TGOLN2: variants seen among roughly 807,000 people sequenced by gnomAD.
TGOLN2 encodes trans-Golgi network integral membrane protein 2.
Under a neutral mutation model 31.3 loss-of-function variants are expected in TGOLN2, and 19 were observed. The observed-to-expected ratio is 0.61, with a 90% CI of 0.42 to 0.89. The LOEUF is 0.89. Ranked by LOEUF, TGOLN2 falls within the 40% of genes least tolerant of loss-of-function variation. The probability of loss-of-function intolerance (pLI) is 0.00; values close to 1 mark genes in which losing one functional copy is unlikely to be tolerated. For synonymous variants in TGOLN2, 222 were observed against 226.7 expected (o/e 0.98, Z 0.19); for missense variants, 540 against 559.2 (o/e 0.97, Z 0.35).
At position 85,326,771 on chromosome 2, in the gene TGOLN2, C is replaced by G; in HGVS notation, c.961G>C (p.Val321Leu). The change falls in exon 2 of 4, where the codon GTG (valine) becomes CTG (leucine). Residue 321 changes from valine (V) to leucine (L), a missense_variant. Val to Leu is a conservative substitution (Grantham distance 32, BLOSUM62 1). Coordinates refer to ENST00000377386, the MANE Select transcript of TGOLN2 (RefSeq NM_006464.4). ...EVKSSEPTED[V>L]EPKEAEDDDT... ...TCATCTTCAGCCTCTTTGGGCTCCA[C>G]ATCCTCAGTAGGCTCTGAAGACTTA... 1 of 1,614,036 alleles carries G rather than the reference C, an allele frequency of 6.2e-7. No individual in the cohort carries two copies. Among genetic ancestry groups the G allele is most frequent in the East Asian group, 2.2e-5 (1 of 44,884 alleles).
In TGOLN2 at chr2:85,327,916, C is replaced by T. The variant is rs959413772; in HGVS notation, c.46+1G>A. The T allele has an allele frequency of 1.2e-6, 2 of 1,601,356 alleles. No homozygotes were observed. The highest frequency in any genetic ancestry group is 1.7e-6 in the Non-Finnish European group (2 of 1,174,364). ...GTGGGATGCGGGATGGAGGGTCTTA[C>T]CCGCCGCTGCGACGTTCAGGAGGAC... is the stretch of plus-strand genomic sequence containing the variant. On this transcript the variant is annotated splice_donor_variant, in intron 1 of 3. Transcript: ENST00000377386. LOFTEE classifies it high-confidence loss of function.
intron 1 of TGOLN2, 95 bp downstream of exon 1, chr2:85,327,822 G>T: frequency 6.5e-7 from 1 of 1,532,936 alleles, no homozygotes; most frequent in Non-Finnish European, 8.8e-7. Context: ...CGGAGAGGTG[G>T]GTCGGGTAGG....
chr2:85,326,623 A>T lies in TGOLN2; in HGVS notation c.1109T>A (p.Leu370His), dbSNP rs1318538596. The T allele has an allele frequency of 5.0e-6, 8 of 1,613,900 alleles. No individual in the cohort carries two copies. Among genetic ancestry groups the T allele is most frequent in the African/African-American group, 2.7e-5 (2 of 74,930 alleles). ...GCCATTTCCAGAACCGTTCGGATAA[A>T]GGTCATCCTTCTCGCTACCCGTGGA... ...SDSTGSEKDDLYPNGSGNGSA... is the reference protein window; with the variant it reads ...SDSTGSEKDDHYPNGSGNGSA... The change falls in exon 2 of 4, where the codon CTT (leucine) becomes CAT (histidine). Residue 370 changes from leucine to histidine, a missense_variant. Coordinates refer to ENST00000377386, the MANE Select transcript of TGOLN2 (RefSeq NM_006464.4).
chr2:85,323,185 C>T (rs781261168), intron 3 of TGOLN2, among the ~76,000 whole-genome samples: 1 of 152,202 alleles, frequency 6.6e-6, no homozygotes, highest in East Asian at 1.9e-4. Context: ...CCAGACTGAT[C>T]TAGAACTCCT....
rs190237116 is a variant in TGOLN2 at position 85,323,980 on chromosome 2, C to G, written c.1308+935G>C. Among the ~76,000 whole-genome samples, 194 of 152,324 alleles carry G rather than the reference C, an allele frequency of 1.3e-3. 1 individual carries two copies. The highest frequency in any genetic ancestry group is 4.3e-3 in the African/African-American group (177 of 41,570). On this transcript the variant is annotated intron_variant, in intron 3 of 3. Transcript: ENST00000377386. ...GGAATGGATTGGCTGTACTCAGGAACTCCAGCCTACGGTGCTTAAGCCAGG... is the reference window on the plus strand; with the variant it reads ...GGAATGGATTGGCTGTACTCAGGAAGTCCAGCCTACGGTGCTTAAGCCAGG...
intron 3 of TGOLN2, among the ~76,000 whole-genome samples, chr2:85,323,555 G>T (rs1682621520): frequency 6.6e-6 from 1 of 152,214 alleles, no homozygotes; most frequent in African/African-American, 2.4e-5. Flanking sequence ...GACACAGCAA[G>T]ACTCCGTCTC....
chr2:85,326,921 C>CAGAAGGGTTGG lies in TGOLN2; in HGVS notation c.800_810dup (p.Asp271ProfsTer124). The CAGAAGGGTTGG allele has an allele frequency of 1.2e-6, 2 of 1,613,980 alleles. No homozygotes were observed. The highest frequency in any genetic ancestry group is 1.7e-6 in the Non-Finnish European group (2 of 1,179,826). On this transcript the variant is annotated frameshift_variant, in exon 2 of 4. Transcript: ENST00000377386. LOFTEE classifies it high-confidence loss of function. ...TCAGCCTTGGGGAGCTCCTTGTTAT[C>CAGAAGGGTTGG]AGAAGGGTTGGAGATGGGCTTGGAA...
chr2:85,323,476 GA>G (rs1481542352), intron 3 of TGOLN2, among the ~76,000 whole-genome samples: 1 of 152,178 alleles, frequency 6.6e-6, no homozygotes, highest in East Asian at 1.9e-4. Flanking sequence ...TGAAGAGGGA[GA>G]ACTGCTTGAA....
chr2:85,327,346 T>G lies in TGOLN2; in HGVS notation c.386A>C (p.Glu129Ala), dbSNP rs1682783250. 1 of 1,610,538 alleles carries G rather than the reference T, an allele frequency of 6.2e-7. No homozygotes were observed. The highest frequency in any genetic ancestry group is 1.7e-5 in the Admixed American group (1 of 59,800). ...AGTGCTGTCTTTTGGAGTCTGCAGC[T>G]CCGGATGCGACTTACTAGTGCTGTC... ...TKDSTSKSHP[E>A]LQTPKDSTGK... is the part of the protein sequence containing the mutation. The change falls in exon 2 of 4, where the codon GAG becomes GCG. Residue 129 changes from glutamate (E) to alanine (A), a missense_variant. By Grantham distance (107) the Glu-to-Ala change is moderately radical (BLOSUM62 -1). Coordinates refer to ENST00000377386, the MANE Select transcript of TGOLN2 (RefSeq NM_006464.4).
rs1277089465 is a variant in TGOLN2 at position 85,327,970 on chromosome 2, G to C, written c.-8C>G. 5.7e-6 allele frequency: 9 copies of C among 1,586,980 alleles called. No homozygotes were observed. The highest frequency in any genetic ancestry group is 6.9e-6 in the Non-Finnish European group (8 of 1,167,024). ...GGCAACCACGAACCGCATCCTGCTC[G>C]GATAGCGCTTCCGCCCTCTAATGCT... On this transcript the variant is annotated 5_prime_UTR_variant, in exon 1 of 4. Coordinates refer to ENST00000377386, the MANE Select transcript of TGOLN2 (RefSeq NM_006464.4).
At position 85,318,330 on chromosome 2, in the gene TGOLN2, G is replaced by C; in HGVS notation, c.*4406C>G. The C allele has an allele frequency of 6.6e-6, 1 of 152,164 alleles. No individual in the cohort carries two copies. Among genetic ancestry groups the C allele is most frequent in the East Asian group, 1.9e-4 (1 of 5,200 alleles). 9.4% of individuals were successfully genotyped at this position (152,164 alleles called of 1,614,324 possible). A position where few individuals can be genotyped will look rare whatever the true frequency, so the allele number is the denominator to read the frequency against. ...GTGCATTAAAGGAATATCTATCAGA[G>C]GGTGAGGGGCTGGCTTACTGGCAGT... On this transcript the variant is annotated 3_prime_UTR_variant, in exon 4 of 4. Coordinates refer to ENST00000377386, the MANE Select transcript of TGOLN2 (RefSeq NM_006464.4).
intron 3 of TGOLN2, among the ~76,000 whole-genome samples, chr2:85,323,832 G>T (rs1367723896): frequency 6.6e-6 from 1 of 152,238 alleles, no homozygotes; most frequent in Non-Finnish European, 1.5e-5. Context: ...GCAGAAGGAA[G>T]GGTGCATGCT....
rs370630952 is a variant in TGOLN2, at chr2:85,327,959, G to C, written c.4C>G (p.Arg2Gly). The C allele has an allele frequency of 2.5e-6, 4 of 1,594,764 alleles. No homozygotes were observed. In the South Asian group the frequency reaches 3.4e-5, roughly 14 times the overall value. ...AGGAGGACCAAGGCAACCACGAACC[G>C]CATCCTGCTCGGATAGCGCTTCCGC... M[R>G]FVVALVLLNV... The change falls in exon 1 of 4, where the codon CGG becomes GGG. Residue 2 changes from arginine to glycine, a missense_variant. Coordinates refer to ENST00000377386, the MANE Select transcript of TGOLN2 (RefSeq NM_006464.4).
intron 2 of TGOLN2, among the ~76,000 whole-genome samples, chr2:85,325,584 C>G (rs1346415720): frequency 6.6e-6 from 1 of 152,114 alleles, no homozygotes; most frequent in African/African-American, 2.4e-5. Context: ...GTCAAGCCAT[C>G]CTCCCACTTC....
At chr2:85,325,464 T>C (rs531700955) in intron 2 of TGOLN2, among the ~76,000 whole-genome samples, 16 of 152,126 alleles carry the variant, frequency 1.1e-4, no homozygotes, top group Admixed American at 2.6e-4. Context: ...CACTTGGACA[T>C]AGAATAAGAA....
rs1682522415 is a variant in TGOLN2, at chr2:85,320,845, G to A, written c.*1891C>T. ...GTCAATAGTGTCCAGTTCTGCCAAG[G>A]ACAAGACTAAGCTTTGAGAAAAAGC... On this transcript the variant is annotated 3_prime_UTR_variant, in exon 4 of 4. Transcript: ENST00000377386. The A allele has an allele frequency of 6.6e-6, 1 of 152,180 alleles. No individual in the cohort carries two copies. The highest frequency in any genetic ancestry group is 1.5e-5 in the Non-Finnish European group (1 of 68,038). The allele number at this position is 152,180 out of a possible 1,614,324, so 9.4% of individuals were successfully genotyped here.
intron 3 of TGOLN2, 178 bp downstream of exon 3, chr2:85,324,737 A>G (rs1362188220): frequency 9.3e-6 from 6 of 646,782 alleles, no homozygotes; most frequent in Non-Finnish European, 1.4e-5. Flanking sequence ...CGTCACAGAT[A>G]TGTGTATCTA....
intron 1 of TGOLN2, 101 bp downstream of exon 1, chr2:85,327,816 G>GGAA: frequency 6.6e-7 from 1 of 1,526,288 alleles, no homozygotes; most frequent in South Asian, 1.2e-5. Flanking sequence ...GGCGAGCGGA[G>GGAA]AGGTGGGTCG....
At position 85,325,993 on chromosome 2, in the gene TGOLN2, A is replaced by G. The variant is rs184043158; in HGVS notation, c.1224+515T>C. 9.9e-4 allele frequency among the ~76,000 whole-genome samples: 150 copies of G among 152,266 alleles called. 1 individual carries two copies. In the East Asian group the frequency reaches 0.023, roughly 23 times the overall value. On this transcript the variant is annotated intron_variant, in intron 2 of 3. Transcript: ENST00000377386. ...AGTAACAGGTGTACGTGTCTGTGCA[A>G]TTTCTGGGCTTTCTTCTAATTATTA... is the stretch of plus-strand genomic sequence containing the variant.
Sources: allele counts gnomAD v4.1 joint callset (sites outside exome capture counted in the v4.1 genomes callset), GRCh38; gene constraint gnomAD v4.1.1; transcripts MANE v1.5; gene names NCBI Gene and HGNC (gene_info 2026-07-23, HGNC 2026-07-21).